The following CHRM3 variants were observed in gnomAD, a reference collection of about 807,000 sequenced individuals.
CHRM3 encodes cholinergic receptor muscarinic 3.
A neutral mutation model predicts 41.8 loss-of-function variants in CHRM3; 11 were observed. The ratio of observed to expected loss-of-function variants is 0.26; its 90% CI spans 0.17 to 0.44. The LOEUF (loss-of-function observed/expected upper bound fraction) is 0.44. Among genes scored for constraint, CHRM3 ranks in the 20% least tolerant of loss-of-function variants. CHRM3 has a pLI of 1.00. For synonymous variants in CHRM3, 297 were observed against 301.4 expected (o/e 0.99, Z 0.15); for missense variants, 571 against 745.4 (o/e 0.77, Z 2.72).
At chr1:239,589,121 A>G (rs901218065) in intron 3 of CHRM3, among the ~76,000 whole-genome samples, 1 of 151,922 alleles carries the variant, frequency 6.6e-6, no homozygotes, top group Non-Finnish European at 1.5e-5. Flanking sequence ...TTTAGTAGAG[A>G]CAGGGTTTCA....
intron 3 of CHRM3, among the ~76,000 whole-genome samples, chr1:239,615,236 C>G (rs1667503424): frequency 6.6e-6 from 1 of 152,160 alleles, no homozygotes; most frequent in Non-Finnish European, 1.5e-5. Flanking sequence ...TTATTTCATG[C>G]TTTCAAAAAC....
Position 239,437,528 on chromosome 1 carries a change from C to T in CHRM3, c.-521+50301C>T, listed in dbSNP as rs141776355. ...AATTGTGGTGACATGGAAAGCCTTT[C>T]TTTTTATTTTTATTTTTATTTTTTT... On this transcript the variant is annotated intron_variant, in intron 1 of 6. Coordinates refer to ENST00000676153, the MANE Select transcript of CHRM3 (RefSeq NM_001375978.1). Among the ~76,000 whole-genome samples, 616 of 152,240 alleles carry T rather than the reference C, an allele frequency of 4.0e-3. 1 individual carries two copies. The highest frequency in any genetic ancestry group is 5.5e-3 in the Non-Finnish European group (372 of 68,014).
At chr1:239,849,921 G>T (rs1674568402) in intron 6 of CHRM3, among the ~76,000 whole-genome samples, 1 of 152,156 alleles carries the variant, frequency 6.6e-6, no homozygotes. Context: ...GGCAAACCCA[G>T]GTTGTCTTAT....
intron 1 of CHRM3, among the ~76,000 whole-genome samples, chr1:239,483,161 G>GA (rs1324507439): frequency 2.6e-5 from 4 of 152,052 alleles, no homozygotes; most frequent in Non-Finnish European, 4.4e-5. Flanking sequence ...TAAAGTGTTT[G>GA]AAAAAATTAC....
intron 2 of CHRM3, among the ~76,000 whole-genome samples, chr1:239,536,530 G>A (rs1218660): frequency 0.04 from 6,150 of 152,230 alleles, 128 homozygotes; most frequent in Middle Eastern, 0.058. Context: ...ACACAGACAC[G>A]TGCATAACCA....
chr1:239,634,693 A>C (rs1229709423), intron 4 of CHRM3, among the ~76,000 whole-genome samples: 5 of 152,182 alleles, frequency 3.3e-5, no homozygotes, highest in African/African-American at 1.2e-4. Context: ...CAGAAAAAAA[A>C]ATACAGGTTA....
chr1:239,799,772 G>A (rs1015537078), intron 5 of CHRM3, among the ~76,000 whole-genome samples: 14 of 152,124 alleles, frequency 9.2e-5, no homozygotes, highest in Non-Finnish European at 1.8e-4. Flanking sequence ...CTGTCTCAGG[G>A]GGAGAAAAGG....
chr1:239,615,058 G>A (rs1355471478), intron 3 of CHRM3, among the ~76,000 whole-genome samples: 1 of 152,260 alleles, frequency 6.6e-6, no homozygotes. Flanking sequence ...GAGCTTGCAG[G>A]TGGGGCAGAT....
Position 239,597,483 on chromosome 1 carries a change from A to C in CHRM3, c.-312-34741A>C, listed in dbSNP as rs192294369. Among the ~76,000 whole-genome samples the C allele has an allele frequency of 5.6e-3, 840 of 151,200 alleles. 5 individuals are homozygous for C. Among genetic ancestry groups the C allele is most frequent in the African/African-American group, 0.016 (659 of 40,546 alleles). On this transcript the variant is annotated intron_variant, in intron 3 of 6. Transcript: ENST00000676153. ...TGGTTTCCAAAGTTTCTGATCTTGT[A>C]GATTTTTTTATATGTGATGACTGCA...
intron 5 of CHRM3, among the ~76,000 whole-genome samples, chr1:239,807,387 T>A (rs1670740573): frequency 2.0e-5 from 3 of 152,210 alleles, no homozygotes; most frequent in African/African-American, 7.2e-5. Context: ...TGACCTACCA[T>A]TTAAATATCA....
intron 3 of CHRM3, among the ~76,000 whole-genome samples, chr1:239,575,822 T>G (rs1899606): frequency 0.62 from 94,060 of 151,844 alleles, 34,960 homozygotes; most frequent in Non-Finnish European, 0.8. Context: ...AAAACAAAAT[T>G]TACCATTTTA....
chr1:239,646,473 C>T (rs529907551), intron 4 of CHRM3, among the ~76,000 whole-genome samples: 6 of 152,214 alleles, frequency 3.9e-5, no homozygotes, highest in East Asian at 1.9e-4. Context: ...GGCACATATA[C>T]GCACTGTTGG....
At chr1:239,803,939 G>T (rs376753337) in intron 5 of CHRM3, among the ~76,000 whole-genome samples, 1 of 152,220 alleles carries the variant, frequency 6.6e-6, no homozygotes, top group Non-Finnish European at 1.5e-5. Context: ...CCCTGGGTAT[G>T]AGAGCAGACA....
chr1:239,757,619 G>T (rs1411110086), intron 5 of CHRM3, among the ~76,000 whole-genome samples: 1 of 146,626 alleles, frequency 6.8e-6, no homozygotes, highest in Non-Finnish European at 1.5e-5. Flanking sequence ...CACAGAGTGA[G>T]ACTCCGTCTC....
chr1:239,880,520 G>A (rs1402906763), intron 6 of CHRM3, among the ~76,000 whole-genome samples: 3 of 152,218 alleles, frequency 2.0e-5, no homozygotes, highest in African/African-American at 7.2e-5. Flanking sequence ...TTTAGAGACA[G>A]AGTCTCACTA....
intron 3 of CHRM3, among the ~76,000 whole-genome samples, chr1:239,618,861 A>T (rs1222282563): frequency 6.8e-6 from 1 of 146,542 alleles, no homozygotes; most frequent in Non-Finnish European, 1.5e-5. Flanking sequence ...AAAAAAAAAA[A>T]GTAAAGATGA....
chr1:239,754,421 A>G (rs764157843), intron 5 of CHRM3, among the ~76,000 whole-genome samples: 2 of 152,194 alleles, frequency 1.3e-5, no homozygotes, highest in Admixed American at 6.5e-5. Context: ...ATGGTAGTTC[A>G]CTGAAGGCAG....
At chr1:239,760,126 C>A (rs1049635731) in intron 5 of CHRM3, among the ~76,000 whole-genome samples, 1 of 150,716 alleles carries the variant, frequency 6.6e-6, no homozygotes, top group Non-Finnish European at 1.5e-5. Context: ...GGGGTTTCAC[C>A]GTGTTAGCCA....
chr1:239,687,003 C>G (rs1659206878), intron 5 of CHRM3, among the ~76,000 whole-genome samples: 1 of 152,158 alleles, frequency 6.6e-6, no homozygotes, highest in African/African-American at 2.4e-5. Flanking sequence ...ATATGATGCT[C>G]TCTTAAGAAA....
Sources: gnomAD v4.1 joint callset for allele counts (sites outside exome capture counted in the v4.1 genomes callset) on GRCh38, gnomAD v4.1.1 for gene constraint, MANE v1.5 for transcripts, NCBI Gene and HGNC (gene_info 2026-07-23, HGNC 2026-07-21) for gene names.